The following CCDC12 variants were observed in gnomAD, a reference collection of about 807,000 sequenced individuals.
CCDC12 encodes the protein coiled-coil domain-containing protein 12.
A neutral mutation model predicts 25.7 loss-of-function variants in CCDC12; 28 were observed. That is an observed-to-expected ratio of 1.09 (90% CI 0.81 to 1.50). CCDC12 has a LOEUF of 1.50. Ranked by LOEUF, CCDC12 falls within the 40% of genes most tolerant of loss-of-function variation. The pLI, the probability that CCDC12 is intolerant of heterozygous loss-of-function variation, is 0.00. For synonymous variants in CCDC12, 75 were observed against 87.7 expected, an observed-to-expected ratio of 0.86 and a Z score of 0.81; for missense variants, 198 against 210.0, an observed-to-expected ratio of 0.94 and a Z score of 0.35.
upstream of CCDC12, chr3:46,976,846 G>C (rs1465345813): frequency 9.3e-6 from 14 of 1,497,460 alleles, no homozygotes; most frequent in South Asian, 1.5e-4. Context: ...GGGAGGTCCT[G>C]AAAGCCAATC....
At chr3:46,957,431 C>G (rs2034325240) in intron 1 of CCDC12, among the ~76,000 whole-genome samples, 1 of 151,698 alleles carries the variant, frequency 6.6e-6, no homozygotes, top group Non-Finnish European at 1.5e-5. Context: ...TTTTCTTTTA[C>G]TCCTGGTAAG....
chr3:46,931,624 A>G (rs2033219964), intron 2 of CCDC12, among the ~76,000 whole-genome samples: 1 of 116,574 alleles, frequency 8.6e-6, no homozygotes, highest in African/African-American at 2.9e-5. Flanking sequence ...AGGGAGGCAG[A>G]GAGGATAAGG....
At chr3:46,942,747 C>T (rs374344537) in intron 1 of CCDC12, among the ~76,000 whole-genome samples, 1 of 152,140 alleles carries the variant, frequency 6.6e-6, no homozygotes, top group Non-Finnish European at 1.5e-5. Flanking sequence ...GCAGCGAGAA[C>T]AAAATAACTG....
chr3:46,940,533 G>C (rs962100101), intron 2 of CCDC12: 2 of 163,386 alleles, frequency 1.2e-5, no homozygotes, highest in Admixed American at 5.9e-5. Context: ...AGGCTGAGAG[G>C]ACGGACAAAA....
intron 2 of CCDC12, among the ~76,000 whole-genome samples, chr3:46,928,983 C>T (rs1323526805): frequency 6.6e-6 from 1 of 151,550 alleles, no homozygotes; most frequent in Admixed American, 6.6e-5. Flanking sequence ...AAGCAAGACC[C>T]TGTCTCAAAA....
chr3:46,972,800 T>G (rs1006783142), intron 1 of CCDC12, among the ~76,000 whole-genome samples: 17 of 143,346 alleles, frequency 1.2e-4, no homozygotes, highest in South Asian at 4.4e-4. Context: ...AGAAAGAAAA[T>G]AAAATAATAA....
At chr3:46,941,146 G>T in intron 1 of CCDC12, 81 bp from the exon 2 acceptor site, 1 of 1,375,124 alleles carries the variant, frequency 7.3e-7, no homozygotes, top group Non-Finnish European at 1.0e-6. Context: ...CTAAAGAACA[G>T]GACATCTCAG....
chr3:46,968,283 T>C (rs1409660311), intron 1 of CCDC12, among the ~76,000 whole-genome samples: 3 of 152,072 alleles, frequency 2.0e-5, no homozygotes, highest in African/African-American at 7.2e-5. Flanking sequence ...TAACACTCCA[T>C]CTTCAAAAAA....
intron 3 of CCDC12, 155 bp downstream of exon 3, chr3:46,925,301 G>C (rs1393850091): frequency 5.5e-6 from 4 of 730,986 alleles, no homozygotes; most frequent in Admixed American, 2.0e-5. Context: ...AAGGCCGACT[G>C]TGTGCATCTG....
chr3:46,970,114 C>G (rs925951417), intron 1 of CCDC12, among the ~76,000 whole-genome samples: 1 of 151,944 alleles, frequency 6.6e-6, no homozygotes, highest in Non-Finnish European at 1.5e-5. Flanking sequence ...TCATATTGCC[C>G]AGGCTGGTCT....
In CCDC12 at chr3:46,950,863, A is replaced by G. The variant is rs912814003; in HGVS notation, c.97-9798T>C. 8.5e-5 allele frequency among the ~76,000 whole-genome samples: 13 copies of G among 152,376 alleles called. No homozygotes were observed. The South Asian group carries it at 1.2e-3, about 15-fold the overall frequency. ...CCTGTCATTTGCAACAACATGGACA[A>G]ATCTGGGGAACATTATGCTAAGCGA... On this transcript the variant is annotated intron_variant, in intron 1 of 6. Coordinates refer to ENST00000683445, the MANE Select transcript of CCDC12 (RefSeq NM_001277074.2).
At chr3:46,927,444 G>A (rs893058040) in intron 2 of CCDC12, among the ~76,000 whole-genome samples, 2 of 152,186 alleles carry the variant, frequency 1.3e-5, no homozygotes, top group Non-Finnish European at 2.9e-5. Context: ...CAGAAGGAGA[G>A]AGGAGAGGCC....
chr3:46,966,334 G>A (rs1020655228), intron 1 of CCDC12, among the ~76,000 whole-genome samples: 9 of 152,108 alleles, frequency 5.9e-5, no homozygotes, highest in Non-Finnish European at 1.3e-4. Flanking sequence ...ACAACATGGC[G>A]AAACCCCATC....
rs71328908 is a variant in CCDC12 at position 46,933,926 on chromosome 3, A to T, written c.164+7072T>A. ...TAATTTATGTAAATATCAATTGAAA[A>T]TTTTTTTTTTTTTGAGATGGAGTCT... On this transcript the variant is annotated intron_variant, in intron 2 of 6. Coordinates refer to ENST00000683445, the MANE Select transcript of CCDC12 (RefSeq NM_001277074.2). Among the ~76,000 whole-genome samples the T allele has an allele frequency of 7.7e-3, 1,142 of 147,874 alleles. 10 individuals carry two copies. Among genetic ancestry groups the T allele is most frequent in the South Asian group, 0.016 (73 of 4,704 alleles).
chr3:46,938,518 GTTTTTTT>G (rs66474878), intron 2 of CCDC12, among the ~76,000 whole-genome samples: 1 of 91,380 alleles, frequency 1.1e-5, no homozygotes, highest in East Asian at 3.7e-4. Context: ...TTCCCCTCCT[GTTTTTTT>G]TTTTTTTTTT....
chr3:46,933,614 C>T (rs2033320925), intron 2 of CCDC12, among the ~76,000 whole-genome samples: 1 of 152,248 alleles, frequency 6.6e-6, no homozygotes, highest in African/African-American at 2.4e-5. Context: ...AGGTGCTCTA[C>T]ACTGACAAGT....
intron 2 of CCDC12, among the ~76,000 whole-genome samples, chr3:46,928,318 A>C (rs2033061377): frequency 6.6e-6 from 1 of 152,222 alleles, no homozygotes; most frequent in Non-Finnish European, 1.5e-5. Flanking sequence ...CAGGGGCTGC[A>C]ATCATGGAGA....
intron 1 of CCDC12, among the ~76,000 whole-genome samples, chr3:46,955,472 G>A (rs2034261750): frequency 1.3e-5 from 2 of 152,154 alleles, no homozygotes; most frequent in Admixed American, 1.3e-4. Flanking sequence ...GAGAACACCT[G>A]GAAGGCCAGC....
intron 1 of CCDC12, among the ~76,000 whole-genome samples, chr3:46,962,284 A>G (rs1230773471): frequency 6.6e-6 from 1 of 151,906 alleles, no homozygotes; most frequent in Non-Finnish European, 1.5e-5. Flanking sequence ...AAACACAAAA[A>G]TTAGCTGGGC....
Sources: gnomAD v4.1 joint callset for allele counts (sites outside exome capture counted in the v4.1 genomes callset) on GRCh38, gnomAD v4.1.1 for gene constraint, MANE v1.5 for transcripts, NCBI Gene and HGNC (gene_info 2026-07-23, HGNC 2026-07-21) for gene names.